The following CD72 variants were observed in gnomAD, a reference collection of about 807,000 sequenced individuals.
CD72 encodes the protein CD72 molecule.
CD72 carries 28 observed loss-of-function variants against 50.7 expected under a neutral mutation model. The observed-to-expected ratio is 0.55, with a 90% confidence interval of 0.41 to 0.76. The LOEUF is 0.76. CD72 is among the 30% of genes least tolerant of loss of function. The pLI is 0.00. For missense variants in CD72, 403 were observed against 420.6 expected (o/e 0.96, Z 0.37); for synonymous variants, 176 against 171.2 (o/e 1.03, Z -0.22).
rs562362235 is a variant in CD72, at chr9:35,614,041, G to C, written c.689-1048C>G. 5.3e-5 allele frequency among the ~76,000 whole-genome samples: 8 copies of C among 151,800 alleles called. No individual in the cohort carries two copies. In the East Asian group the frequency reaches 1.6e-3, roughly 29 times the overall value. The stretch of plus-strand genomic sequence containing the variant: ...CTCAAAAAAAAAAAAAAAGAAATCT[G>C]TATGGCCAAATGGAAGAGGGTGAGG... On this transcript the variant is annotated intron_variant, in intron 5 of 8. Transcript: ENST00000259633.
intron 1 of CD72, among the ~76,000 whole-genome samples, chr9:35,627,107 G>A (rs906024629): frequency 8.6e-5 from 13 of 150,618 alleles, no homozygotes; most frequent in East Asian, 1.9e-4. Context: ...CAAAGTGATC[G>A]GATTACAGGC....
At chr9:35,639,953 T>C (rs1380158700) in intron 1 of CD72, among the ~76,000 whole-genome samples, 1 of 152,234 alleles carries the variant, frequency 6.6e-6, no homozygotes, top group Non-Finnish European at 1.5e-5. Flanking sequence ...AAATTGATAT[T>C]TTAAACGTTA....
At position 35,611,889 on chromosome 9, in the gene CD72, G is replaced by C; in HGVS notation, c.865C>G (p.Pro289Ala). 6.2e-7 allele frequency: 1 copy of C among 1,609,040 alleles called. No homozygotes were observed. The highest frequency in any genetic ancestry group is 1.3e-5 in the African/African-American group (1 of 74,898). ...HSYYFLNSLL[P>A]NGGSGNSYWT... ...TATGAATTCCCTGAACCACCATTTGGCAACAGTGAATTTAAGAAGTAGTAA... is the reference window on the plus strand; with the variant it reads ...TATGAATTCCCTGAACCACCATTTGCCAACAGTGAATTTAAGAAGTAGTAA... The change falls in exon 7 of 9, where the codon CCA (proline) becomes GCA (alanine). Residue 289 changes from proline (P) to alanine (A), a missense_variant. Transcript: ENST00000259633.
chr9:35,617,878 C>A (rs1338392889), intron 2 of CD72, 136 bp downstream of exon 2: 2 of 704,548 alleles, frequency 2.8e-6, no homozygotes, highest in African/African-American at 1.8e-5. Context: ...CTGCAGTGAG[C>A]CATGATCACA....
chr9:35,613,404 G>A (rs1447614668), intron 5 of CD72, among the ~76,000 whole-genome samples: 1 of 152,010 alleles, frequency 6.6e-6, no homozygotes, highest in Non-Finnish European at 1.5e-5. Flanking sequence ...AAAATGTTGT[G>A]TACTGTTTTG....
intron 1 of CD72, among the ~76,000 whole-genome samples, chr9:35,628,968 G>A (rs1823220033): frequency 6.6e-6 from 1 of 152,040 alleles, no homozygotes; most frequent in African/African-American, 2.4e-5. Flanking sequence ...TCAACCTGCT[G>A]GGCTCAAGTG....
chr9:35,616,949 G>C, intron 3 of CD72: 3 of 1,415,056 alleles, frequency 2.1e-6, no homozygotes, highest in Non-Finnish European at 2.8e-6. Context: ...GACGGAGAGA[G>C]GGGAAGGGGG....
chr9:35,614,273 A>C (rs1823036575), intron 5 of CD72, among the ~76,000 whole-genome samples: 1 of 152,216 alleles, frequency 6.6e-6, no homozygotes, highest in South Asian at 2.1e-4. Context: ...AATTAACTGG[A>C]ATGCTGTAGA....
At chr9:35,617,788 T>C (rs1823090199) in intron 2 of CD72, among the ~76,000 whole-genome samples, 1 of 152,102 alleles carries the variant, frequency 6.6e-6, no homozygotes. Context: ...CTGAGGGCCA[T>C]GGCATGGGGG....
intron 1 of CD72, among the ~76,000 whole-genome samples, chr9:35,636,125 T>A (rs575235653): frequency 1.2e-4 from 19 of 152,256 alleles, no homozygotes; most frequent in African/African-American, 4.3e-4. Flanking sequence ...AGAAATTCCT[T>A]ATTGTGAGTA....
chr9:35,621,576 C>T (rs1397527787), upstream of CD72, among the ~76,000 whole-genome samples: 1 of 152,236 alleles, frequency 6.6e-6, no homozygotes, highest in Non-Finnish European at 1.5e-5. Context: ...GTGACTATGT[C>T]ACTTTACCTG....
chr9:35,633,138 C>T (rs886650298), intron 1 of CD72, among the ~76,000 whole-genome samples: 5 of 150,338 alleles, frequency 3.3e-5, no homozygotes, highest in African/African-American at 9.8e-5. Flanking sequence ...GATGGGGTTT[C>T]ACCATGTTGC....
chr9:35,644,397 C>G (rs976018455), intron 1 of CD72, among the ~76,000 whole-genome samples: 2 of 141,290 alleles, frequency 1.4e-5, no homozygotes, highest in Non-Finnish European at 3.1e-5. Context: ...TTTGTAAGGA[C>G]TGGCTCCCAA....
chr9:35,617,713 C>G (rs1389863151), intron 2 of CD72, among the ~76,000 whole-genome samples: 1 of 152,136 alleles, frequency 6.6e-6, no homozygotes, highest in African/African-American at 2.4e-5. Flanking sequence ...TTATCCTGTT[C>G]CTATTCTTCT....
At chr9:35,634,567 G>A (rs1201413080) in intron 1 of CD72, among the ~76,000 whole-genome samples, 1 of 152,176 alleles carries the variant, frequency 6.6e-6, no homozygotes, top group Non-Finnish European at 1.5e-5. Context: ...TGGCCAGGCT[G>A]GTTTTGAACT....
chr9:35,620,292 C>T (rs889665581), upstream of CD72, among the ~76,000 whole-genome samples: 2 of 151,992 alleles, frequency 1.3e-5, no homozygotes, highest in African/African-American at 2.4e-5. Context: ...CATAGTGAAA[C>T]CCCGTCTCTA....
chr9:35,628,967 T>C (rs955577333), intron 1 of CD72, among the ~76,000 whole-genome samples: 1 of 152,144 alleles, frequency 6.6e-6, no homozygotes, highest in Non-Finnish European at 1.5e-5. Context: ...CTCAACCTGC[T>C]GGGCTCAAGT....
At chr9:35,624,492 G>A (rs374808421), upstream of CD72, among the ~76,000 whole-genome samples, 15 of 152,140 alleles carry the variant, frequency 9.9e-5, no homozygotes, top group East Asian at 2.5e-3. Flanking sequence ...CATACCTAGC[G>A]ATCGTGCCTG....
At chr9:35,631,372 G>A (rs928113308) in intron 1 of CD72, among the ~76,000 whole-genome samples, 3 of 152,152 alleles carry the variant, frequency 2.0e-5, no homozygotes, top group African/African-American at 7.2e-5. Flanking sequence ...AAGGATAATA[G>A]CAGGCATTTC....
Sources: gnomAD v4.1 joint callset for allele counts (sites outside exome capture counted in the v4.1 genomes callset) on GRCh38, gnomAD v4.1.1 for gene constraint, MANE v1.5 for transcripts, NCBI Gene and HGNC (gene_info 2026-07-23, HGNC 2026-07-21) for gene names.